The following MASP1 variants were observed in gnomAD, a reference collection of about 807,000 sequenced individuals.
MASP1 encodes mannan-binding lectin serine protease 1.
In MASP1, 59 loss-of-function variants were observed where a neutral mutation model predicts 77.1. The ratio of observed to expected loss-of-function variants is 0.77; its 90% CI spans 0.62 to 0.95. The LOEUF is 0.95. MASP1 is among the 40% of genes least tolerant of loss of function. The pLI, the probability that MASP1 is intolerant of heterozygous loss-of-function variation, is 0.00. For synonymous variants in MASP1, 362 were observed against 354.5 expected (o/e 1.02, Z -0.24); for missense variants, 885 against 912.9 (o/e 0.97, Z 0.39).
chr3:187,233,758 C>T (rs1158119436), downstream of MASP1, among the ~76,000 whole-genome samples: 1 of 152,164 alleles, frequency 6.6e-6, no homozygotes, highest in Admixed American at 6.6e-5. Flanking sequence ...ATGATCTCGT[C>T]CAATGTCACA....
chr3:187,246,159 C>T (rs1714066020), intron 8 of MASP1, among the ~76,000 whole-genome samples: 1 of 152,240 alleles, frequency 6.6e-6, no homozygotes, highest in African/African-American at 2.4e-5. Context: ...ATGAAACACT[C>T]CTTCTTCTTG....
At chr3:187,253,050 C>A (rs573314469) in intron 6 of MASP1, 118 bp downstream of exon 6, 90 of 1,352,606 alleles carry the variant, frequency 6.7e-5, no homozygotes, top group African/African-American at 3.6e-4. Flanking sequence ...AGCTGCTCAA[C>A]TGGGAGTCCC....
exon 16 of MASP1, chr3:187,217,701 C>A (rs1410624061): frequency 3.3e-5 from 5 of 152,144 alleles, no homozygotes; most frequent in African/African-American, 1.2e-4. Flanking sequence ...ATCTGGGTTT[C>A]TTGGACCTTA....
At chr3:187,268,026 C>CA (rs1716187072) in intron 2 of MASP1, among the ~76,000 whole-genome samples, 4 of 152,096 alleles carry the variant, frequency 2.6e-5, no homozygotes, top group Admixed American at 2.0e-4. Context: ...GCTGCAGTAA[C>CA]AAAAAACTAG....
intron 9 of MASP1, chr3:187,242,191 G>A (rs1348835717): frequency 1.3e-5 from 2 of 152,840 alleles, no homozygotes; most frequent in African/African-American, 4.8e-5. Context: ...AGCTCTAAGA[G>A]CTTTGTAACT....
chr3:187,256,835 A>G lies in MASP1; in HGVS notation c.573T>C (p.Thr191=), dbSNP rs138888642. ...CRVECSDNLF[T]QRTGVITSPD... Reference sequence around the variant, plus strand: ...GGCTGGTGATCACCCCAGTCCTTTGAGTGAAGAGGTTGTCACTGCACTCCA... The same window carrying G: ...GGCTGGTGATCACCCCAGTCCTTTGGGTGAAGAGGTTGTCACTGCACTCCA... Residue 191 remains threonine, a synonymous_variant, in exon 5 of 11, where the codon ACT becomes ACC. Coordinates refer to ENST00000296280, the MANE Select transcript of MASP1 (RefSeq NM_139125.4). 6.8e-6 allele frequency: 11 copies of G among 1,613,786 alleles called. No homozygotes were observed. In the African/African-American group the frequency reaches 8.0e-5, roughly 12 times the overall value.
At chr3:187,255,494 A>T (rs1714997960) in intron 5 of MASP1, among the ~76,000 whole-genome samples, 1 of 152,228 alleles carries the variant, frequency 6.6e-6, no homozygotes, top group South Asian at 2.1e-4. Context: ...CATTGTGCTC[A>T]CTGGGATTTC....
intron 5 of MASP1, among the ~76,000 whole-genome samples, chr3:187,256,391 C>G (rs541038261): frequency 5.1e-4 from 78 of 152,350 alleles, no homozygotes; most frequent in African/African-American, 1.6e-3. Flanking sequence ...GCTCATGAGG[C>G]TGGGCGTGCC....
chr3:187,228,617 CTG>C (rs1712579405), intron 11 of MASP1, among the ~76,000 whole-genome samples: 1 of 152,092 alleles, frequency 6.6e-6, no homozygotes, highest in Admixed American at 6.5e-5. Flanking sequence ...TCAGTGTTCT[CTG>C]TCTCTCTCTG....
chr3:187,219,775 A>C, exon 16 of MASP1: 1 of 454,678 alleles, frequency 2.2e-6, no homozygotes, highest in Admixed American at 3.4e-5. Flanking sequence ...TAGGTAAGGT[A>C]TAGCATTTCC....
intron 10 of MASP1, among the ~76,000 whole-genome samples, chr3:187,239,433 GA>G (rs1287163948): frequency 6.6e-6 from 1 of 152,180 alleles, no homozygotes; most frequent in Non-Finnish European, 1.5e-5. Flanking sequence ...CCAGAGATAT[GA>G]AAATACTTAC....
chr3:187,287,127 AT>A (rs1405004088), intron 1 of MASP1, among the ~76,000 whole-genome samples: 1 of 152,066 alleles, frequency 6.6e-6, no homozygotes, highest in Non-Finnish European at 1.5e-5. Context: ...GCCAAAGCTG[AT>A]TTTCTCAAAC....
intron 4 of MASP1, among the ~76,000 whole-genome samples, chr3:187,259,405 G>A (rs911617770): frequency 6.6e-6 from 1 of 152,106 alleles, no homozygotes; most frequent in Admixed American, 6.6e-5. Context: ...TTCCTTCTTG[G>A]TGGGGAAGGT....
Position 187,236,246 on chromosome 3 carries a change from T to G in MASP1, c.1625A>C (p.His542Pro), listed in dbSNP as rs1379128170. 23 of 1,614,194 alleles carry G rather than the reference T, an allele frequency of 1.4e-5. No individual in the cohort carries two copies. Among genetic ancestry groups the G allele is most frequent in the Non-Finnish European group, 1.9e-5 (23 of 1,180,030 alleles). Residue 542 changes from histidine to proline, a missense_variant, in exon 11 of 11, where the codon CAC (histidine) becomes CCC (proline). Transcript: ENST00000296280. ...VNSSAARVVL[H>P]PDFNIQNYNH... ...GTAGTTTTGGATGTTGAAGTCTGGG[T>G]GGAGCACCACTCGGGCAGCTGAGCT...
At chr3:187,255,035 CT>C (rs1714956538) in intron 5 of MASP1, among the ~76,000 whole-genome samples, 1 of 152,068 alleles carries the variant, frequency 6.6e-6, no homozygotes, top group African/African-American at 2.4e-5. Flanking sequence ...ACCTTCACCC[CT>C]AGTGTTACTT....
intron 2 of MASP1, among the ~76,000 whole-genome samples, chr3:187,270,857 T>C (rs1170625887): frequency 5.3e-5 from 8 of 152,190 alleles, no homozygotes; most frequent in Admixed American, 6.5e-5. Context: ...AGGCCAAAGA[T>C]GACCTTCAGA....
chr3:187,220,249 G>A, exon 16 of MASP1: 1 of 1,614,074 alleles, frequency 6.2e-7, no homozygotes, highest in Non-Finnish European at 8.5e-7. Context: ...ACCCGCACAG[G>A]CGTCCTTTCC....
chr3:187,290,199 G>C (rs1028274147), intron 1 of MASP1, among the ~76,000 whole-genome samples: 3 of 152,114 alleles, frequency 2.0e-5, no homozygotes, highest in Admixed American at 1.3e-4. Flanking sequence ...AGCTTCAAGG[G>C]ACAGAAACAG....
chr3:187,288,302 A>G (rs1245456061), intron 1 of MASP1, among the ~76,000 whole-genome samples: 1 of 152,192 alleles, frequency 6.6e-6, no homozygotes, highest in African/African-American at 2.4e-5. Flanking sequence ...AGCTGAGTCA[A>G]AAAACCAGGT....
Sources: gnomAD v4.1 joint callset for allele counts (sites outside exome capture counted in the v4.1 genomes callset) on GRCh38, gnomAD v4.1.1 for gene constraint, MANE v1.5 for transcripts, NCBI Gene and HGNC (gene_info 2026-07-23, HGNC 2026-07-21) for gene names.